SRGAP1: variants seen among roughly 807,000 people sequenced by gnomAD.
SRGAP1 encodes SLIT-ROBO Rho GTPase activating protein 1, also known as SLIT-ROBO Rho GTPase-activating protein 1.
A neutral mutation model predicts 121.9 loss-of-function variants in SRGAP1; 43 were observed. The ratio of observed to expected loss-of-function variants is 0.35; its 90% CI spans 0.28 to 0.46. SRGAP1 has a LOEUF of 0.46. Among genes scored for constraint, SRGAP1 ranks in the 20% least tolerant of loss-of-function variants. SRGAP1 has a pLI of 1.00. For synonymous variants in SRGAP1, 447 were observed against 485.4 expected (o/e 0.92, Z 1.04); for missense variants, 1,102 against 1,350.9 (o/e 0.82, Z 2.89).
At chr12:63,883,325 G>A (rs1346564915) in intron 1 of SRGAP1, among the ~76,000 whole-genome samples, 1 of 152,158 alleles carries the variant, frequency 6.6e-6, no homozygotes, top group Non-Finnish European at 1.5e-5. Flanking sequence ...ACTGGACACA[G>A]TTTTACAATA....
chr12:64,067,325 T>G (rs2035558748), intron 8 of SRGAP1, among the ~76,000 whole-genome samples: 1 of 152,200 alleles, frequency 6.6e-6, no homozygotes, highest in Non-Finnish European at 1.5e-5. Context: ...AGGGAGGATC[T>G]GTTGAGCCTA....
intron 11 of SRGAP1, 50 bp downstream of exon 11, chr12:64,087,076 A>C: frequency 7.4e-7 from 1 of 1,359,178 alleles, no homozygotes; most frequent in Non-Finnish European, 1.0e-6. Flanking sequence ...TTTCTCTTTA[A>C]CAAGAAGCAA....
chr12:64,140,797 A>T (rs1446896409), intron 21 of SRGAP1, among the ~76,000 whole-genome samples: 5 of 134,190 alleles, frequency 3.7e-5, no homozygotes, highest in Admixed American at 2.4e-4. Flanking sequence ...ACTATAAATC[A>T]TGCTGCTATA....
intron 1 of SRGAP1, among the ~76,000 whole-genome samples, chr12:63,871,157 T>C (rs1279234642): frequency 2.0e-5 from 3 of 152,172 alleles, no homozygotes; most frequent in African/African-American, 7.2e-5. Flanking sequence ...GTTAGCCAAT[T>C]TAAATGCTAA....
chr12:64,080,214 G>C, intron 9 of SRGAP1, 72 bp from the exon 10 acceptor site: 1 of 1,342,710 alleles, frequency 7.4e-7, no homozygotes, highest in Admixed American at 2.3e-5. Context: ...CTGCACTCCA[G>C]CCTGGGTGAC....
At chr12:64,079,806 C>T (rs1473135115) in intron 9 of SRGAP1, among the ~76,000 whole-genome samples, 1 of 152,124 alleles carries the variant, frequency 6.6e-6, no homozygotes, top group Non-Finnish European at 1.5e-5. Flanking sequence ...TGAGAGTGTG[C>T]ATCTCTCCTA....
chr12:64,021,423 G>C (rs564057527), intron 4 of SRGAP1, among the ~76,000 whole-genome samples: 1 of 152,300 alleles, frequency 6.6e-6, no homozygotes, highest in East Asian at 1.9e-4. Context: ...ATTGTGCTAA[G>C]CATATTATTT....
In SRGAP1 at chr12:64,042,925, C is replaced by G; in HGVS notation, c.625C>G (p.His209Asp). Residue 209 changes from histidine to aspartate, a missense_variant, in exon 5 of 22, where the codon CAT (histidine) becomes GAT (aspartate). Physicochemically the swap from His to Asp is moderately conservative, Grantham distance 81 (BLOSUM62 -1). Around this residue, in one of 3 missense-constraint regions of SRGAP1, gnomAD observed 747 missense variants for 929.4 expected, o/e 0.80. Coordinates refer to ENST00000355086, the MANE Select transcript of SRGAP1 (RefSeq NM_020762.4). The part of the protein sequence containing the change: ...PVFHIRLEER[H>D]QRRSSVKKIE... ...CTTCCATATTCGACTAGAGGAGAGA[C>G]ATCAACGGCGAAGCTCTGTAAAGAA... 1 of 1,613,736 alleles carries G rather than the reference C, an allele frequency of 6.2e-7. No homozygotes were observed. The highest frequency in any genetic ancestry group is 8.5e-7 in the Non-Finnish European group (1 of 1,179,828).
At chr12:64,071,881 A>C (rs529746717) in intron 8 of SRGAP1, among the ~76,000 whole-genome samples, 47 of 118,382 alleles carry the variant, frequency 4.0e-4, no homozygotes, top group African/African-American at 1.2e-3. Flanking sequence ...CCCCCCCCCA[A>C]AAAAAAAAGT....
At chr12:63,891,774 G>A (rs1900588691) in intron 1 of SRGAP1, among the ~76,000 whole-genome samples, 2 of 151,958 alleles carry the variant, frequency 1.3e-5, no homozygotes, top group Non-Finnish European at 2.9e-5. Flanking sequence ...ATCACTTGAG[G>A]CCAGGAGTTC....
At chr12:63,870,898 C>T (rs1464079998) in intron 1 of SRGAP1, among the ~76,000 whole-genome samples, 3 of 152,064 alleles carry the variant, frequency 2.0e-5, no homozygotes, top group African/African-American at 4.8e-5. Flanking sequence ...GCTTGATTTT[C>T]TTGGGAAAGA....
In SRGAP1 at chr12:64,014,062, G is replaced by C. The variant is rs1402835401; in HGVS notation, c.427-2888G>C. 4.0e-4 allele frequency among the ~76,000 whole-genome samples: 61 copies of C among 152,212 alleles called. 1 individual carries two copies. The highest frequency in any genetic ancestry group is 4.0e-3 in the Admixed American group (61 of 15,282). On this transcript the variant is annotated intron_variant, in intron 3 of 21. Transcript: ENST00000355086. ...ATGATAATTATGGTGTATTCACTGT[G>C]TGTTAGGAACCATTCTAAATACTAT...
intron 15 of SRGAP1, among the ~76,000 whole-genome samples, chr12:64,103,242 A>G (rs2036287921): frequency 6.6e-6 from 1 of 152,184 alleles, no homozygotes; most frequent in Admixed American, 6.5e-5. Flanking sequence ...TCGCCCTCCC[A>G]AAGTGCTAGA....
At chr12:63,859,076 A>G (rs565591383) in intron 1 of SRGAP1, among the ~76,000 whole-genome samples, 2 of 152,342 alleles carry the variant, frequency 1.3e-5, no homozygotes, top group South Asian at 2.1e-4. Flanking sequence ...TACTGATGAT[A>G]GTATTCTCTT....
At chr12:63,852,274 G>T (rs1899101079) in intron 1 of SRGAP1, among the ~76,000 whole-genome samples, 1 of 152,206 alleles carries the variant, frequency 6.6e-6, no homozygotes, top group Non-Finnish European at 1.5e-5. Context: ...GGGATTACAG[G>T]CATGAGCCAC....
At chr12:63,884,802 A>G (rs1239275082) in intron 1 of SRGAP1, among the ~76,000 whole-genome samples, 2 of 150,090 alleles carry the variant, frequency 1.3e-5, no homozygotes, top group Non-Finnish European at 3.0e-5. Context: ...GCTCACTGCA[A>G]GCTCCACCCA....
At chr12:63,931,246 A>T (rs917393267) in intron 1 of SRGAP1, among the ~76,000 whole-genome samples, 1 of 152,230 alleles carries the variant, frequency 6.6e-6, no homozygotes, top group African/African-American at 2.4e-5. Context: ...AATACACTTG[A>T]AATGAAACCA....
In SRGAP1 at chr12:64,127,598, C is replaced by T. The variant is rs752729005; in HGVS notation, c.2414C>T (p.Thr805Met). 3.1e-6 allele frequency: 5 copies of T among 1,612,912 alleles called. No homozygotes were observed. The East Asian group carries it at 6.7e-5, about 22-fold the overall frequency. Residue 805 changes from threonine (T) to methionine (M), a missense_variant, in exon 20 of 22, where the codon ACG (threonine) becomes ATG (methionine). Thr to Met is a moderately conservative substitution (Grantham distance 81). Around this residue, in one of 3 missense-constraint regions of SRGAP1, gnomAD observed 40 missense variants for 78.4 expected, o/e 0.51. Coordinates refer to ENST00000355086, the MANE Select transcript of SRGAP1 (RefSeq NM_020762.4). Reference sequence around the variant, plus strand: ...TCCTCTTACTGCTTCAGGGATGATACGTTTTCAGACACTCTGAGCCAAAAA... The same window carrying T: ...TCCTCTTACTGCTTCAGGGATGATATGTTTTCAGACACTCTGAGCCAAAAA... Reference protein sequence around the residue: ...QYIVVQDMDDTFSDTLSQKAD... With the variant: ...QYIVVQDMDDMFSDTLSQKAD...
chr12:64,095,246 GTCA>G (rs762189859), intron 14 of SRGAP1, 42 bp downstream of exon 14: 1 of 1,575,418 alleles, frequency 6.3e-7, no homozygotes, highest in Non-Finnish European at 8.7e-7. Context: ...ACGTTGAAAA[GTCA>G]TCATGTTCTG....
Sources: allele counts gnomAD v4.1 joint callset (sites outside exome capture counted in the v4.1 genomes callset), GRCh38; gene constraint gnomAD v4.1.1; regional missense constraint gnomAD v4.1.1; transcripts MANE v1.5; gene names NCBI Gene and HGNC (gene_info 2026-07-23, HGNC 2026-07-21).